Variants in SPON1 observed in about 807,000 individuals in gnomAD.
SPON1 encodes the protein spondin-1.
A neutral mutation model predicts 111.7 loss-of-function variants in SPON1; 52 were observed. The observed-to-expected ratio is 0.47, with a 90% CI of 0.37 to 0.59. The LOEUF (loss-of-function observed/expected upper bound fraction) is 0.59. Among genes scored for constraint, SPON1 ranks in the 20% least tolerant of loss-of-function variants. The pLI is 0.00. For missense variants in SPON1, 957 were observed against 1,068.5 expected, an observed-to-expected ratio of 0.90 and a Z score of 1.46; for synonymous variants, 410 against 395.8, an observed-to-expected ratio of 1.04 and a Z score of -0.43.
chr11:14,249,078 T>C (rs1849024982), intron 7 of SPON1, among the ~76,000 whole-genome samples: 1 of 152,232 alleles, frequency 6.6e-6, no homozygotes. Context: ...ACTGGGACTT[T>C]TACAAATAAC....
chr11:14,072,519 G>T (rs1848884914), intron 3 of SPON1, among the ~76,000 whole-genome samples: 1 of 151,994 alleles, frequency 6.6e-6, no homozygotes, highest in South Asian at 2.1e-4. Context: ...ATTCCGGAGA[G>T]GAGGCAGCAC....
At chr11:14,062,362 C>T (rs1256553013) in intron 3 of SPON1, among the ~76,000 whole-genome samples, 1 of 152,160 alleles carries the variant, frequency 6.6e-6, no homozygotes, top group Non-Finnish European at 1.5e-5. Context: ...TTACATAAAT[C>T]ATAAATATTT....
intron 3 of SPON1, among the ~76,000 whole-genome samples, chr11:14,067,294 A>C (rs782501812): frequency 1.3e-5 from 2 of 152,142 alleles, no homozygotes; most frequent in Non-Finnish European, 2.9e-5. Flanking sequence ...TGCCCTCCCT[A>C]TATCCCACCA....
intron 2 of SPON1, among the ~76,000 whole-genome samples, chr11:13,984,165 T>G (rs2133782284): frequency 6.6e-6 from 1 of 152,324 alleles, no homozygotes; most frequent in East Asian, 1.9e-4. Flanking sequence ...AGTGCTTTAC[T>G]TTATCTTAGT....
rs1591433380 is a variant in SPON1 at position 14,266,467 on chromosome 11, C to G, written c.*780C>G. On this transcript the variant is annotated 3_prime_UTR_variant, in exon 16 of 16. Transcript: ENST00000576479. ...ATGTACAATTCTTCTGGGAAGCCAG[C>G]CTTCTGAACTTTTTGGTACTAAATC... is the stretch of plus-strand genomic sequence containing the variant. 2 of 152,104 alleles carry G rather than the reference C, an allele frequency of 1.3e-5. No individual in the cohort carries two copies. Among genetic ancestry groups the G allele is most frequent in the East Asian group, 3.9e-4 (2 of 5,180 alleles). 9.4% of individuals were successfully genotyped at this position (152,104 alleles called of 1,614,324 possible).
chr11:14,084,659 T>C (rs1554922406), intron 5 of SPON1, among the ~76,000 whole-genome samples: 1 of 152,232 alleles, frequency 6.6e-6, no homozygotes, highest in African/African-American at 2.4e-5. Flanking sequence ...TTTGGGTATA[T>C]ACCCAGTAAT....
intron 2 of SPON1, among the ~76,000 whole-genome samples, chr11:13,985,056 A>G (rs1554910154): frequency 6.6e-6 from 1 of 152,206 alleles, no homozygotes; most frequent in African/African-American, 2.4e-5. Context: ...CAAAATCTCA[A>G]GCCCATCCAG....
intron 6 of SPON1, among the ~76,000 whole-genome samples, chr11:14,146,150 C>T (rs868911509): frequency 7.6e-5 from 10 of 130,950 alleles, no homozygotes; most frequent in South Asian, 2.5e-4. Context: ...AATTACTATA[C>T]TTTTTTTTTT....
intron 2 of SPON1, among the ~76,000 whole-genome samples, chr11:14,028,406 A>C (rs1306986427): frequency 6.6e-6 from 1 of 151,988 alleles, no homozygotes; most frequent in African/African-American, 2.4e-5. Flanking sequence ...CCAGGAGTTC[A>C]AGGTTATAGT....
At chr11:14,173,581 G>A (rs1390470976) in intron 6 of SPON1, among the ~76,000 whole-genome samples, 1 of 152,150 alleles carries the variant, frequency 6.6e-6, no homozygotes, top group Non-Finnish European at 1.5e-5. Flanking sequence ...GATTTTTAGA[G>A]TTTCCGGTTT....
intron 2 of SPON1, among the ~76,000 whole-genome samples, chr11:14,039,195 T>C (rs1591358796): frequency 6.6e-6 from 1 of 152,252 alleles, no homozygotes; most frequent in East Asian, 1.9e-4. Flanking sequence ...AAGGGATGAA[T>C]AAGAAGAGCA....
chr11:14,251,795 G>C (rs779854864), intron 7 of SPON1, among the ~76,000 whole-genome samples: 5 of 152,196 alleles, frequency 3.3e-5, no homozygotes, highest in African/African-American at 9.7e-5. Context: ...GTCCCTAGGC[G>C]AGGTAATGCC....
chr11:14,176,754 A>G (rs75121055), intron 6 of SPON1, among the ~76,000 whole-genome samples: 11,767 of 152,202 alleles, frequency 0.077, 556 homozygotes, highest in East Asian at 0.17. Context: ...TCCCCAGCCC[A>G]AGAGAACTAG....
chr11:14,242,336 C>A (rs1848937609), intron 6 of SPON1, among the ~76,000 whole-genome samples: 1 of 152,230 alleles, frequency 6.6e-6, no homozygotes, highest in Non-Finnish European at 1.5e-5. Context: ...CAAGTCTCTT[C>A]CCCTGGAACT....
intron 2 of SPON1, among the ~76,000 whole-genome samples, chr11:14,002,994 C>T (rs1848331409): frequency 6.6e-6 from 1 of 152,128 alleles, no homozygotes; most frequent in East Asian, 1.9e-4. Context: ...ACCCACTTCT[C>T]TGCTGTTGTT....
intron 5 of SPON1, among the ~76,000 whole-genome samples, chr11:14,112,069 C>T (rs1244192582): frequency 6.7e-6 from 1 of 149,582 alleles, no homozygotes; most frequent in Non-Finnish European, 1.5e-5. Flanking sequence ...AGCAAGAAAA[C>T]TTCCTCATCC....
intron 5 of SPON1, among the ~76,000 whole-genome samples, chr11:14,102,645 A>G (rs973838364): frequency 6.6e-6 from 1 of 152,184 alleles, no homozygotes; most frequent in Non-Finnish European, 1.5e-5. Flanking sequence ...GTCTTGTTCA[A>G]TCTGGAATGG....
chr11:14,188,717 C>T (rs1027770590), intron 6 of SPON1, among the ~76,000 whole-genome samples: 1 of 152,132 alleles, frequency 6.6e-6, no homozygotes, highest in African/African-American at 2.4e-5. Context: ...CTAGTAGTGA[C>T]TCTGCCACTC....
At chr11:14,083,977 T>C (rs1848984393) in intron 5 of SPON1, among the ~76,000 whole-genome samples, 1 of 152,204 alleles carries the variant, frequency 6.6e-6, no homozygotes, top group African/African-American at 2.4e-5. Context: ...AAGAGTCGCA[T>C]AAGTGCTTTT....
Sources: allele counts gnomAD v4.1 joint callset (sites outside exome capture counted in the v4.1 genomes callset), GRCh38; gene constraint gnomAD v4.1.1; transcripts MANE v1.5; gene names NCBI Gene and HGNC (gene_info 2026-07-23, HGNC 2026-07-21).